The following PDE10A variants were observed in gnomAD, a reference collection of about 807,000 sequenced individuals.
PDE10A encodes the protein phosphodiesterase 10A, also known as cAMP and cAMP-inhibited cGMP 3',5'-cyclic phosphodiesterase 10A.
A neutral mutation model predicts 97.7 loss-of-function variants in PDE10A; 39 were observed. The observed-to-expected ratio is 0.40, with a 90% confidence interval of 0.31 to 0.52. PDE10A has a LOEUF of 0.52. Ranked by LOEUF, PDE10A falls within the 20% of genes least tolerant of loss-of-function variation. PDE10A has a pLI of 0.56. For synonymous variants in PDE10A, 371 were observed against 376.8 expected, an observed-to-expected ratio of 0.98 and a Z score of 0.18; for missense variants, 731 against 1,047.8, an observed-to-expected ratio of 0.70 and a Z score of 4.17.
At chr6:165,967,664 G>A (rs907574586) in intron 1 of PDE10A, among the ~76,000 whole-genome samples, 4 of 152,198 alleles carry the variant, frequency 2.6e-5, no homozygotes, top group African/African-American at 9.6e-5. Context: ...AGAAAATAGA[G>A]AAGTGTCTTG....
intron 3 of PDE10A, among the ~76,000 whole-genome samples, chr6:165,460,891 G>A (rs575929836): frequency 9.2e-5 from 14 of 152,206 alleles, no homozygotes; most frequent in Admixed American, 5.9e-4. Flanking sequence ...TGAAAAAACC[G>A]CTTCAAGTGG....
chr6:165,820,782 GC>G (rs1036129812), intron 1 of PDE10A, among the ~76,000 whole-genome samples: 2 of 152,220 alleles, frequency 1.3e-5, no homozygotes, highest in Non-Finnish European at 1.5e-5. Context: ...GAAGGCTCTT[GC>G]CATGTTTATT....
At chr6:165,925,533 C>T (rs1310347277) in intron 1 of PDE10A, among the ~76,000 whole-genome samples, 1 of 152,176 alleles carries the variant, frequency 6.6e-6, no homozygotes, top group Non-Finnish European at 1.5e-5. Flanking sequence ...ACTGGTATGT[C>T]CACACCATTA....
chr6:165,588,998 G>A (rs1453051527), intron 1 of PDE10A, among the ~76,000 whole-genome samples: 2 of 152,090 alleles, frequency 1.3e-5, no homozygotes, highest in East Asian at 3.9e-4. Context: ...CCCAATGAAA[G>A]CATTAAGAAA....
intron 2 of PDE10A, among the ~76,000 whole-genome samples, chr6:165,532,826 A>G (rs1291697964): frequency 6.6e-6 from 1 of 151,916 alleles, no homozygotes; most frequent in African/African-American, 2.4e-5. Flanking sequence ...CAAGTCTCAC[A>G]GTCTTGTCTT....
intron 1 of PDE10A, among the ~76,000 whole-genome samples, chr6:165,644,447 G>A (rs1404855760): frequency 6.6e-6 from 1 of 152,192 alleles, no homozygotes; most frequent in Non-Finnish European, 1.5e-5. Context: ...TGTGCCCATA[G>A]GAAGCAGCCT....
Position 165,806,042 on chromosome 6 carries a change from TAAAAAAAAAAAAAA to T in PDE10A, c.-615+181473_-615+181486del, listed in dbSNP as rs67104260. On this transcript the variant is annotated intron_variant, in intron 1 of 19. Transcript: ENST00000366882. ...AAATGATTTGTAGTTGCTTGATTAT[TAAAAAAAAAAAAAA>T]AAAAAAAAAAAAAAGATCAAACAGC... 1.8e-3 allele frequency among the ~76,000 whole-genome samples: 130 copies of T among 73,140 alleles called. 1 individual carries two copies. In the East Asian group the frequency reaches 0.018, roughly 10 times the overall value. The allele number at this position is 73,140 out of a possible 152,430, so 48.0% of individuals were successfully genotyped here. A position where few individuals can be genotyped will look rare whatever the true frequency, so the allele number is the denominator to read the frequency against.
chr6:165,434,016 C>CTA (rs1554261829), intron 6 of PDE10A, among the ~76,000 whole-genome samples: 1 of 54,568 alleles, frequency 1.8e-5, no homozygotes, highest in African/African-American at 8.1e-5. Flanking sequence ...GACTCCGTCT[C>CTA]AAAAAAAAAA....
chr6:165,630,924 C>T (rs1348402452), intron 1 of PDE10A, among the ~76,000 whole-genome samples: 2 of 152,268 alleles, frequency 1.3e-5, no homozygotes, highest in East Asian at 3.9e-4. Context: ...ATGGAATGCT[C>T]GCTTGCTCTA....
chr6:165,652,355 AT>A (rs879632907), intron 1 of PDE10A, among the ~76,000 whole-genome samples: 473 of 138,956 alleles, frequency 3.4e-3, no homozygotes, highest in Middle Eastern at 3.7e-3. Context: ...CTCCCGGGCT[AT>A]TTTTTTTTTT....
intron 21 of PDE10A, among the ~76,000 whole-genome samples, chr6:165,334,043 T>C (rs1199364993): frequency 6.6e-6 from 1 of 152,270 alleles, no homozygotes; most frequent in African/African-American, 2.4e-5. Context: ...TCAAGTATTA[T>C]TTTTCCAGAC....
intron 1 of PDE10A, among the ~76,000 whole-genome samples, chr6:165,544,374 T>C (rs2128324244): frequency 6.6e-6 from 1 of 152,298 alleles, no homozygotes; most frequent in East Asian, 1.9e-4. Context: ...GCAAACAAAG[T>C]ATTTTCACAT....
intron 1 of PDE10A, among the ~76,000 whole-genome samples, chr6:165,594,653 T>C (rs1167515661): frequency 2.6e-5 from 4 of 152,180 alleles, no homozygotes; most frequent in Non-Finnish European, 5.9e-5. Context: ...CAATGAATAG[T>C]AAAACCACTG....
At position 165,410,932 on chromosome 6, in the gene PDE10A, C is replaced by CA. The variant is rs1554257599; in HGVS notation, c.2076+2568dup. Among the ~76,000 whole-genome samples the CA allele has an allele frequency of 1.7e-4, 4 of 23,962 alleles. 2 individuals carry two copies. The highest frequency in any genetic ancestry group is 1.6e-3 in the Admixed American group (4 of 2,552). The allele number at this position is 23,962 out of a possible 152,430, so 15.7% of individuals were successfully genotyped here. ...TGAAACCCCGTCTCTACTAAAAATA[C>CA]AAAAAAATAGCCGGGCGTGGTGGCG... is the stretch of plus-strand genomic sequence containing the variant. On this transcript the variant is annotated intron_variant, in intron 13 of 21. Coordinates refer to ENST00000539869, the MANE Select transcript of PDE10A (RefSeq NM_001385079.1).
At chr6:165,727,344 G>T (rs4072988) in intron 1 of PDE10A, among the ~76,000 whole-genome samples, 40,181 of 152,206 alleles carry the variant, frequency 0.26, 5,993 homozygotes, top group Non-Finnish European at 0.35. Context: ...AGTGTGCAGA[G>T]TTTGTGAGAC....
intron 1 of PDE10A, among the ~76,000 whole-genome samples, chr6:165,735,443 T>C (rs1792551907): frequency 6.6e-6 from 1 of 151,908 alleles, no homozygotes; most frequent in Admixed American, 6.6e-5. Context: ...GGTAGATATA[T>C]AGGTAGGTAG....
intron 1 of PDE10A, among the ~76,000 whole-genome samples, chr6:165,815,440 G>A (rs1465214934): frequency 6.6e-6 from 1 of 152,150 alleles, no homozygotes; most frequent in Non-Finnish European, 1.5e-5. Context: ...GTCCCAGAGA[G>A]AAGAGACAAC....
chr6:165,485,206 T>C (rs993741075), intron 2 of PDE10A, among the ~76,000 whole-genome samples: 5 of 152,046 alleles, frequency 3.3e-5, no homozygotes, highest in African/African-American at 1.2e-4. Flanking sequence ...ACGCGGTGGC[T>C]CACGCCTGTA....
At chr6:165,881,870 G>A (rs1042543797) in intron 1 of PDE10A, among the ~76,000 whole-genome samples, 2 of 152,012 alleles carry the variant, frequency 1.3e-5, no homozygotes, top group African/African-American at 2.4e-5. Context: ...TCTTACTGTG[G>A]CAAAAAGACA....
Sources: gnomAD v4.1 joint callset for allele counts (sites outside exome capture counted in the v4.1 genomes callset) on GRCh38, gnomAD v4.1.1 for gene constraint, MANE v1.5 for transcripts, NCBI Gene and HGNC (gene_info 2026-07-23, HGNC 2026-07-21) for gene names.